The following COL23A1 variants were observed in gnomAD, a reference collection of about 807,000 sequenced individuals.
The protein encoded by COL23A1 is collagen type XXIII alpha 1 chain, also known as collagen alpha-1(XXIII) chain.
In COL23A1, 97 loss-of-function variants were observed where a neutral mutation model predicts 99.3. The ratio of observed to expected loss-of-function variants is 0.98; its 90% CI spans 0.83 to 1.16. The LOEUF is 1.16. COL23A1 is among the 50% of genes most tolerant of loss of function. The pLI is 0.00. For synonymous variants in COL23A1, 320 were observed against 308.2 expected, an observed-to-expected ratio of 1.04 and a Z score of -0.40; for missense variants, 762 against 757.4, an observed-to-expected ratio of 1.01 and a Z score of -0.07.
In COL23A1 at chr5:178,444,175, GT is replaced by G. The variant is rs552289134; in HGVS notation, c.361+116506del. Among the ~76,000 whole-genome samples, 18 of 152,206 alleles carry G rather than the reference GT, an allele frequency of 1.2e-4. No individual in the cohort carries two copies. The East Asian group carries it at 2.7e-3, about 23-fold the overall frequency. On this transcript the variant is annotated intron_variant, in intron 2 of 28. Coordinates refer to ENST00000390654, the MANE Select transcript of COL23A1 (RefSeq NM_173465.4). ...AAGCTGTGATTGCACCACGGCCGGG[GT>G]TACAGAGCAAGATTCTGTCTCAATA...
chr5:178,240,502 C>T (rs1215783351), intron 27 of COL23A1, among the ~76,000 whole-genome samples: 2 of 152,220 alleles, frequency 1.3e-5, no homozygotes, highest in Non-Finnish European at 2.9e-5. Context: ...CCCCGCCAGC[C>T]TGGTGCCCCT....
intron 2 of COL23A1, among the ~76,000 whole-genome samples, chr5:178,327,468 C>T (rs1293220265): frequency 6.6e-6 from 1 of 152,168 alleles, no homozygotes; most frequent in Non-Finnish European, 1.5e-5. Context: ...GATCAGACTT[C>T]ATGGCCACTC....
intron 2 of COL23A1, among the ~76,000 whole-genome samples, chr5:178,539,229 C>T (rs1204561676): frequency 1.3e-5 from 2 of 152,144 alleles, no homozygotes; most frequent in East Asian, 3.8e-4. Context: ...CGGTGTCTGA[C>T]TTCAATCTTA....
intron 2 of COL23A1, among the ~76,000 whole-genome samples, chr5:178,522,231 G>C (rs1454384660): frequency 6.6e-6 from 1 of 152,168 alleles, no homozygotes; most frequent in Non-Finnish European, 1.5e-5. Context: ...AAACGACCTG[G>C]ATGTTTTGCT....
In COL23A1 at chr5:178,549,971, A is replaced by T. The variant is rs547255283; in HGVS notation, c.361+10711T>A. On this transcript the variant is annotated intron_variant, in intron 2 of 28. Transcript: ENST00000390654. ...ATATATTTGAAACATTCTGTAATGA[A>T]AATTAAAATTATTTTTTAATATTAA... 2.0e-5 allele frequency among the ~76,000 whole-genome samples: 3 copies of T among 152,356 alleles called. No individual in the cohort carries two copies. In the South Asian group the frequency reaches 6.2e-4, roughly 32 times the overall value.
At chr5:178,324,376 T>C (rs1759521029) in intron 2 of COL23A1, among the ~76,000 whole-genome samples, 1 of 152,186 alleles carries the variant, frequency 6.6e-6, no homozygotes, top group African/African-American at 2.4e-5. Flanking sequence ...CCGTGCTGTG[T>C]TGTCTTTTAT....
Position 178,307,823 on chromosome 5 carries a change from T to C in COL23A1, c.362-904A>G, listed in dbSNP as rs1356400365. The stretch of plus-strand genomic sequence containing the variant: ...TGATACGTCTTGCTCACCCACTGTA[T>C]GCCAGGATCTGGGCTGGGCCTGGAG... On this transcript the variant is annotated intron_variant, in intron 2 of 28. Coordinates refer to ENST00000390654, the MANE Select transcript of COL23A1 (RefSeq NM_173465.4). This position sits in a 1 kb window ranked among gnomAD's most constrained non-coding sequence, Gnocchi z 4.2. Among the ~76,000 whole-genome samples, 3 of 152,250 alleles carry C rather than the reference T, an allele frequency of 2.0e-5. No individual in the cohort carries two copies. The highest frequency in any genetic ancestry group is 4.4e-5 in the Non-Finnish European group (3 of 68,044).
At chr5:178,476,137 T>G (rs1012981991) in intron 2 of COL23A1, among the ~76,000 whole-genome samples, 7 of 152,232 alleles carry the variant, frequency 4.6e-5, no homozygotes, top group African/African-American at 1.7e-4. Context: ...ATTTCTACTT[T>G]GTTTACTGTC....
intron 22 of COL23A1, 30 bp from the exon 23 acceptor site, chr5:178,246,483 G>C (rs770524860): frequency 1.2e-5 from 18 of 1,552,424 alleles, no homozygotes; most frequent in Middle Eastern, 1.8e-4. Flanking sequence ...ATCAGTCAAG[G>C]GGAAGGGGTT....
rs1379428460 is a variant in COL23A1, at chr5:178,306,585, G to C, written c.406+290C>G. ...GAGTCATCACCTTCTGCCTCAGAGAGAGGGGGCTGCTCTGGAGTGGGGGAC... is the reference window on the plus strand; with the variant it reads ...GAGTCATCACCTTCTGCCTCAGAGACAGGGGGCTGCTCTGGAGTGGGGGAC... On this transcript the variant is annotated intron_variant, in intron 3 of 28. Transcript: ENST00000390654. The surrounding 1 kb of genome is among the most constrained non-coding windows in gnomAD (Gnocchi z 4.1). Among the ~76,000 whole-genome samples the C allele has an allele frequency of 6.6e-6, 1 of 150,640 alleles. No individual in the cohort carries two copies. Among genetic ancestry groups the C allele is most frequent in the Non-Finnish European group, 1.5e-5 (1 of 67,586 alleles).
chr5:178,308,993 G>T lies in COL23A1; in HGVS notation c.362-2074C>A, dbSNP rs543131408. ...TCTTGCCAGGCCTCAGGTTGTGCTC[G>T]GCCCAGCGAAGCAGTAGGCCCCGGG... On this transcript the variant is annotated intron_variant, in intron 2 of 28. Coordinates refer to ENST00000390654, the MANE Select transcript of COL23A1 (RefSeq NM_173465.4). This position sits in a 1 kb window ranked among gnomAD's most constrained non-coding sequence, Gnocchi z 5.1. Among the ~76,000 whole-genome samples, 46 of 152,184 alleles carry T rather than the reference G, an allele frequency of 3.0e-4. No individual in the cohort carries two copies. Among genetic ancestry groups the T allele is most frequent in the Non-Finnish European group, 6.0e-4 (41 of 68,034 alleles).
At chr5:178,516,654 T>A (rs572579784) in intron 2 of COL23A1, among the ~76,000 whole-genome samples, 11 of 152,338 alleles carry the variant, frequency 7.2e-5, no homozygotes, top group Non-Finnish European at 1.2e-4. Context: ...AGAGAAGATG[T>A]GCATTTATCC....
chr5:178,245,998 G>A (rs1156640868), intron 24 of COL23A1, 30 bp from the exon 25 acceptor site: 1 of 1,613,502 alleles, frequency 6.2e-7, no homozygotes, highest in African/African-American at 1.3e-5. Context: ...GGGTGAGAGG[G>A]GTTGGGGAGG....
chr5:178,433,157 GCCCAGT>G (rs1286613790), intron 2 of COL23A1, among the ~76,000 whole-genome samples: 1 of 151,672 alleles, frequency 6.6e-6, no homozygotes, highest in Non-Finnish European at 1.5e-5. Context: ...CAGGTTTAAG[GCCCAGT>G]CCCCCAAGAC....
At chr5:178,442,499 A>T (rs1021506272) in intron 2 of COL23A1, among the ~76,000 whole-genome samples, 2 of 152,304 alleles carry the variant, frequency 1.3e-5, no homozygotes, top group East Asian at 3.9e-4. Flanking sequence ...ATCTAACATG[A>T]TAGGCCCGAG....
At chr5:178,481,149 A>AAAC (rs1757317667) in intron 2 of COL23A1, among the ~76,000 whole-genome samples, 1 of 150,280 alleles carries the variant, frequency 6.7e-6, no homozygotes, top group Non-Finnish European at 1.5e-5. Context: ...AAAAAAAAAA[A>AAAC]AGAAAGAAAG....
intron 1 of COL23A1, chr5:178,562,256 A>C (rs1426013870): frequency 8.8e-6 from 3 of 341,428 alleles, no homozygotes; most frequent in African/African-American, 6.6e-5. Context: ...AAAGAAAAAA[A>C]AAAAAAAAAA....
chr5:178,356,781 C>T (rs939368174), intron 2 of COL23A1, among the ~76,000 whole-genome samples: 3 of 152,120 alleles, frequency 2.0e-5, no homozygotes, highest in African/African-American at 4.8e-5. Flanking sequence ...CTCCCCCGGC[C>T]GCCTGGCACC....
Position 178,252,613 on chromosome 5 carries a change from A to G in COL23A1, c.961-16T>C. On this transcript the variant is annotated splice_polypyrimidine_tract_variant and intron_variant, in intron 16 of 28. Transcript: ENST00000390654. The stretch of plus-strand genomic sequence containing the variant: ...CGGGAGGCCCCTGTGTGTGAGAGTG[A>G]AGCCGGTCAGTGTCATGGGTTAGGC... 1 of 1,604,644 alleles carries G rather than the reference A, an allele frequency of 6.2e-7. No homozygotes were observed. Among genetic ancestry groups the G allele is most frequent in the Non-Finnish European group, 8.5e-7 (1 of 1,175,540 alleles).
Sources: allele counts gnomAD v4.1 joint callset (sites outside exome capture counted in the v4.1 genomes callset), GRCh38; gene constraint gnomAD v4.1.1; non-coding constraint Gnocchi (gnomAD v3.1); transcripts MANE v1.5; gene names NCBI Gene and HGNC (gene_info 2026-07-23, HGNC 2026-07-21).